Variants in GRID2 observed in about 807,000 individuals in gnomAD.
The protein encoded by GRID2 is glutamate ionotropic receptor delta type subunit 2.
A neutral mutation model predicts 114.8 loss-of-function variants in GRID2; 33 were observed. That is an observed-to-expected ratio of 0.29 (90% CI 0.22 to 0.38). GRID2 has a LOEUF of 0.38. GRID2 is among the 10% of genes least tolerant of loss of function. The pLI is 1.00. For synonymous variants in GRID2, 505 were observed against 449.9 expected, an observed-to-expected ratio of 1.12 and a Z score of -1.55; for missense variants, 1,184 against 1,257.7, an observed-to-expected ratio of 0.94 and a Z score of 0.89.
At chr4:92,380,513 C>T (rs1404202709) in intron 1 of GRID2, among the ~76,000 whole-genome samples, 1 of 151,832 alleles carries the variant, frequency 6.6e-6, no homozygotes, top group Non-Finnish European at 1.5e-5. Flanking sequence ...GATTTGGCTC[C>T]ATTTTTGTCT....
chr4:93,496,323 T>A (rs1727542537), intron 12 of GRID2, among the ~76,000 whole-genome samples: 1 of 151,748 alleles, frequency 6.6e-6, no homozygotes, highest in Non-Finnish European at 1.5e-5. Context: ...GTGTCATGTA[T>A]TCTTCTCTCA....
At chr4:92,945,964 A>T (rs528774994) in intron 2 of GRID2, among the ~76,000 whole-genome samples, 1 of 152,072 alleles carries the variant, frequency 6.6e-6, no homozygotes, top group African/African-American at 2.4e-5. Flanking sequence ...GCCTTTTTAC[A>T]TGCCTTCCAG....
chr4:92,692,106 T>A lies in GRID2; in HGVS notation c.244+101820T>A, dbSNP rs377200522. On this transcript the variant is annotated intron_variant, in intron 2 of 15. Coordinates refer to ENST00000282020, the MANE Select transcript of GRID2 (RefSeq NM_001510.4). The stretch of plus-strand genomic sequence containing the variant: ...AATATATTAGAGCCCCCTACCAACA[T>A]TTTTGAAGCAAAATTAAGCTATTGA... Among the ~76,000 whole-genome samples the A allele has an allele frequency of 6.6e-4, 101 of 152,284 alleles. 1 individual carries two copies. The East Asian group carries it at 0.01, about 15-fold the overall frequency.
intron 13 of GRID2, among the ~76,000 whole-genome samples, chr4:93,538,296 C>G (rs1732300813): frequency 6.6e-6 from 1 of 151,558 alleles, no homozygotes; most frequent in Admixed American, 6.6e-5. Context: ...GAAACACTTT[C>G]TCATGGCCAG....
chr4:92,584,094 T>C (rs542315766), intron 1 of GRID2, among the ~76,000 whole-genome samples: 1 of 152,030 alleles, frequency 6.6e-6, no homozygotes, highest in East Asian at 1.9e-4. Context: ...TTGGTCATAA[T>C]ACTGCTAATT....
chr4:92,360,264 G>A (rs1728548896), intron 1 of GRID2, among the ~76,000 whole-genome samples: 1 of 151,814 alleles, frequency 6.6e-6, no homozygotes, highest in Non-Finnish European at 1.5e-5. Context: ...CTTGTTGGAG[G>A]TAACTGTGCC....
intron 2 of GRID2, among the ~76,000 whole-genome samples, chr4:92,610,931 C>A (rs993686455): frequency 1.3e-5 from 2 of 151,314 alleles, no homozygotes; most frequent in African/African-American, 4.9e-5. Flanking sequence ...AGGGATATAT[C>A]ATTTTGTTTT....
At chr4:93,680,856 T>G (rs1578554604) in intron 14 of GRID2, among the ~76,000 whole-genome samples, 4 of 152,160 alleles carry the variant, frequency 2.6e-5, no homozygotes, top group Admixed American at 2.6e-4. Context: ...AGCATTCCCT[T>G]TGAAAACTGG....
At chr4:93,787,958 G>A (rs1734625005) in intron 1 of GRID2, among the ~76,000 whole-genome samples, 1 of 152,088 alleles carries the variant, frequency 6.6e-6, no homozygotes, top group Non-Finnish European at 1.5e-5. Context: ...ATTTGACTTT[G>A]GAAACATCAT....
chr4:92,466,737 T>G (rs1371661703), intron 1 of GRID2, among the ~76,000 whole-genome samples: 1 of 151,668 alleles, frequency 6.6e-6, no homozygotes, highest in Non-Finnish European at 1.5e-5. Flanking sequence ...ACTTTTAGAG[T>G]GGATTGGCAT....
chr4:93,144,684 C>G (rs1483279396), intron 4 of GRID2, among the ~76,000 whole-genome samples: 2 of 152,164 alleles, frequency 1.3e-5, no homozygotes, highest in Non-Finnish European at 2.9e-5. Flanking sequence ...ATCACCAAAT[C>G]AGGTCAGAAC....
chr4:93,359,593 C>G (rs946607075), intron 8 of GRID2, among the ~76,000 whole-genome samples: 1 of 151,296 alleles, frequency 6.6e-6, no homozygotes, highest in Non-Finnish European at 1.5e-5. Flanking sequence ...CTCTGGTAAC[C>G]ATCCTTCTCT....
At chr4:93,466,705 C>T (rs1724307618) in intron 11 of GRID2, among the ~76,000 whole-genome samples, 1 of 152,088 alleles carries the variant, frequency 6.6e-6, no homozygotes, top group African/African-American at 2.4e-5. Context: ...TTAGCCAGTG[C>T]CTAATCTGGT....
intron 1 of GRID2, among the ~76,000 whole-genome samples, chr4:92,506,809 T>A (rs137994987): frequency 1.1e-4 from 17 of 152,090 alleles, no homozygotes; most frequent in African/African-American, 4.1e-4. Context: ...GGTATGTGTC[T>A]TCCTATTTCT....
chr4:93,485,797 C>T (rs547498750), intron 11 of GRID2, among the ~76,000 whole-genome samples: 47 of 151,594 alleles, frequency 3.1e-4, no homozygotes, highest in Admixed American at 6.6e-4. Flanking sequence ...TTTTTTTCTT[C>T]TTCCTGAAGA....
intron 2 of GRID2, among the ~76,000 whole-genome samples, chr4:92,741,159 A>G (rs1441491552): frequency 6.6e-6 from 1 of 152,140 alleles, no homozygotes; most frequent in African/African-American, 2.4e-5. Context: ...GATATAGTAA[A>G]TATCCTAAGT....
At chr4:93,229,790 A>G (rs1399590553) in intron 7 of GRID2, among the ~76,000 whole-genome samples, 2 of 152,186 alleles carry the variant, frequency 1.3e-5, no homozygotes, top group Non-Finnish European at 2.9e-5. Context: ...ATAAATGTCT[A>G]GTAATGGGCA....
chr4:92,443,723 G>A (rs903082636), intron 1 of GRID2, among the ~76,000 whole-genome samples: 1 of 152,066 alleles, frequency 6.6e-6, no homozygotes, highest in Non-Finnish European at 1.5e-5. Context: ...AGAAGGGGTT[G>A]GGGTACTTGC....
At chr4:93,027,249 G>T (rs1420370013) in intron 2 of GRID2, among the ~76,000 whole-genome samples, 2 of 151,832 alleles carry the variant, frequency 1.3e-5, no homozygotes, top group African/African-American at 2.4e-5. Context: ...AAATTTTTAG[G>T]GTCAATATGC....
Sources: gnomAD v4.1 joint callset for allele counts (sites outside exome capture counted in the v4.1 genomes callset) on GRCh38, gnomAD v4.1.1 for gene constraint, MANE v1.5 for transcripts, NCBI Gene and HGNC (gene_info 2026-07-23, HGNC 2026-07-21) for gene names.